ROR2: variants seen among roughly 807,000 people sequenced by gnomAD.
The protein encoded by ROR2 is ROR family WNT receptor 2.
Under a neutral mutation model 74.9 loss-of-function variants are expected in ROR2, and 33 were observed. The ratio of observed to expected loss-of-function variants is 0.44; its 90% CI spans 0.33 to 0.59. The LOEUF is 0.59. Ranked by LOEUF, ROR2 falls within the 20% of genes least tolerant of loss-of-function variation. The pLI is 0.02. For synonymous variants in ROR2, 586 were observed against 558.7 expected (o/e 1.05, Z -0.69); for missense variants, 1,216 against 1,313.8 (o/e 0.93, Z 1.15).
In ROR2 at chr9:91,724,588, G is replaced by C; in HGVS notation, c.1906C>G (p.Leu636Val). 3 of 1,614,116 alleles carry C rather than the reference G, an allele frequency of 1.9e-6. No homozygotes were observed. The highest frequency in any genetic ancestry group is 2.5e-6 in the Non-Finnish European group (3 of 1,180,020). ...KLNVKISDLG[L>V]FREVYAADYY... ...TCGGCGGCATACACCTCTCGGAAGA[G>C]GCCCAAGTCTGAGATCTTCACGTTC... is the stretch of plus-strand genomic sequence containing the variant. The change falls in exon 9 of 9, where the codon CTC becomes GTC. Residue 636 changes from leucine (L) to valine (V), a missense_variant. Coordinates refer to ENST00000375708, the MANE Select transcript of ROR2 (RefSeq NM_004560.4).
intron 1 of ROR2, among the ~76,000 whole-genome samples, chr9:91,855,871 C>T (rs1231903120): frequency 1.3e-5 from 2 of 151,944 alleles, no homozygotes; most frequent in South Asian, 2.1e-4. Flanking sequence ...ATACACCTGC[C>T]GGCCGGGTGA....
chr9:91,792,466 G>T (rs555585751), intron 1 of ROR2, among the ~76,000 whole-genome samples: 1 of 152,186 alleles, frequency 6.6e-6, no homozygotes, highest in South Asian at 2.1e-4. Context: ...CCGCCACCAC[G>T]CCCAGCTAAT....
At chr9:91,810,950 C>A (rs140398311) in intron 1 of ROR2, among the ~76,000 whole-genome samples, 1 of 152,352 alleles carries the variant, frequency 6.6e-6, no homozygotes, top group East Asian at 1.9e-4. Flanking sequence ...CAAGTGGTAT[C>A]GATTCTGGTG....
intron 1 of ROR2, among the ~76,000 whole-genome samples, chr9:91,918,017 ATCCCAGCACTT>A (rs1342931015): frequency 6.6e-6 from 1 of 152,196 alleles, no homozygotes; most frequent in African/African-American, 2.4e-5. Context: ...CACACCTGTA[ATCCCAGCACTT>A]TGGGAGGCCG....
At chr9:91,812,061 CAA>C (rs527726654) in intron 1 of ROR2, among the ~76,000 whole-genome samples, 7 of 133,376 alleles carry the variant, frequency 5.2e-5, no homozygotes, top group Non-Finnish European at 6.7e-5. Flanking sequence ...TAAAAAAATG[CAA>C]AAAAAAAAAA....
intron 6 of ROR2, among the ~76,000 whole-genome samples, chr9:91,732,513 AGGTGCAC>A (rs1204138523): frequency 6.6e-6 from 1 of 152,136 alleles, no homozygotes; most frequent in Non-Finnish European, 1.5e-5. Flanking sequence ...ACCTGTAGAA[AGGTGCAC>A]GGTGCTTCCC....
intron 1 of ROR2, among the ~76,000 whole-genome samples, chr9:91,868,623 T>C (rs1469114426): frequency 6.6e-6 from 1 of 152,218 alleles, no homozygotes; most frequent in Non-Finnish European, 1.5e-5. Context: ...AGTCTGCAGA[T>C]TTCTCGTTAA....
At chr9:91,856,341 C>G (rs1010698340) in intron 1 of ROR2, among the ~76,000 whole-genome samples, 3 of 152,196 alleles carry the variant, frequency 2.0e-5, no homozygotes, top group African/African-American at 7.2e-5. Flanking sequence ...GGCAACAAAA[C>G]GAGACCTTAA....
intron 1 of ROR2, among the ~76,000 whole-genome samples, chr9:91,813,469 A>G (rs1259290123): frequency 6.6e-6 from 1 of 152,208 alleles, no homozygotes; most frequent in Non-Finnish European, 1.5e-5. Context: ...TCTGTGGAAC[A>G]GCACTCAGGG....
chr9:91,921,779 C>G (rs990800166), intron 1 of ROR2, among the ~76,000 whole-genome samples: 3 of 151,030 alleles, frequency 2.0e-5, no homozygotes, highest in Non-Finnish European at 4.4e-5. Context: ...AGGAGAATCG[C>G]TTGAACCCGG....
Position 91,814,721 on chromosome 9 carries a change from T to C in ROR2, c.98-38903A>G, listed in dbSNP as rs185668932. 4.2e-4 allele frequency among the ~76,000 whole-genome samples: 64 copies of C among 152,272 alleles called. No individual in the cohort carries two copies. The East Asian group carries it at 0.01, about 24-fold the overall frequency. On this transcript the variant is annotated intron_variant, in intron 1 of 8. Transcript: ENST00000375708. ...TAATTTCTTCTCTGTAAGATAAAAA[T>C]GACAGGGTTCTGCCTTTCAAGGATC...
In ROR2 at chr9:91,869,248, C is replaced by CA. The variant is rs918274772; in HGVS notation, c.97+80618dup. On this transcript the variant is annotated intron_variant, in intron 1 of 8. Coordinates refer to ENST00000375708, the MANE Select transcript of ROR2 (RefSeq NM_004560.4). ...AATTTATTATACATTGTTCTGGAAACAGAGTCTCAATAAATTCCAGGCTGG... is the reference window on the plus strand; with the variant it reads ...AATTTATTATACATTGTTCTGGAAACAAGAGTCTCAATAAATTCCAGGCTGG... 5.2e-4 allele frequency among the ~76,000 whole-genome samples: 79 copies of CA among 152,200 alleles called. 2 individuals carry two copies. The highest frequency in any genetic ancestry group is 1.9e-3 in the African/African-American group (77 of 41,516).
chr9:91,851,353 CAAAAAAAAAAA>C (rs140560176), intron 1 of ROR2, among the ~76,000 whole-genome samples: 3 of 114,590 alleles, frequency 2.6e-5, no homozygotes, highest in Admixed American at 8.4e-5. Context: ...GACTCCGTCT[CAAAAAAAAAAA>C]AAAGAAAAGA....
chr9:91,780,542 C>G (rs1417980330), intron 1 of ROR2, among the ~76,000 whole-genome samples: 1 of 151,940 alleles, frequency 6.6e-6, no homozygotes, highest in African/African-American at 2.4e-5. Context: ...AATCCCAGCA[C>G]TTTGGGAGGT....
intron 1 of ROR2, among the ~76,000 whole-genome samples, chr9:91,789,545 A>G (rs919297329): frequency 3.3e-5 from 5 of 152,170 alleles, no homozygotes; most frequent in African/African-American, 1.2e-4. Flanking sequence ...CTATGACACT[A>G]ATAGTTCAAA....
chr9:91,873,826 C>T (rs1829876499), intron 1 of ROR2, among the ~76,000 whole-genome samples: 1 of 152,210 alleles, frequency 6.6e-6, no homozygotes, highest in Admixed American at 6.5e-5. Context: ...CATCCAGATT[C>T]TTCCATCAAG....
intron 1 of ROR2, among the ~76,000 whole-genome samples, chr9:91,806,831 C>T (rs950985330): frequency 1.2e-4 from 18 of 152,150 alleles, no homozygotes; most frequent in Admixed American, 4.6e-4. Context: ...CCTTGTGATC[C>T]GCCCGCCTCG....
At chr9:91,944,049 G>A (rs1446077630) in intron 1 of ROR2, among the ~76,000 whole-genome samples, 2 of 152,152 alleles carry the variant, frequency 1.3e-5, no homozygotes, top group Non-Finnish European at 1.5e-5. Context: ...GTTGCTCAAC[G>A]ATGACGATAC....
intron 1 of ROR2, among the ~76,000 whole-genome samples, chr9:91,888,874 G>A (rs1388183548): frequency 6.6e-6 from 1 of 152,054 alleles, no homozygotes; most frequent in African/African-American, 2.4e-5. Flanking sequence ...CCACTCTAGT[G>A]TGACAGGCTG....
Sources: gnomAD v4.1 joint callset for allele counts (sites outside exome capture counted in the v4.1 genomes callset) on GRCh38, gnomAD v4.1.1 for gene constraint, MANE v1.5 for transcripts, NCBI Gene and HGNC (gene_info 2026-07-23, HGNC 2026-07-21) for gene names.